Variants in IKBKB observed in about 807,000 individuals in gnomAD.
IKBKB encodes inhibitor of nuclear factor kappa-B kinase subunit beta.
A neutral mutation model predicts 113.6 loss-of-function variants in IKBKB; 42 were observed. That is an observed-to-expected ratio of 0.37 (90% CI 0.29 to 0.48). IKBKB has a LOEUF of 0.48. IKBKB is among the 20% of genes least tolerant of loss of function. The pLI is 0.99. For synonymous variants in IKBKB, 296 were observed against 361.3 expected (o/e 0.82, Z 2.05); for missense variants, 673 against 939.7 (o/e 0.72, Z 3.71).
At chr8:42,281,363 T>C (rs1028718734) in intron 2 of IKBKB, among the ~76,000 whole-genome samples, 6 of 151,922 alleles carry the variant, frequency 3.9e-5, no homozygotes, top group African/African-American at 1.2e-4. Context: ...CTGACATCCC[T>C]GGAGTGGATG....
chr8:42,322,457 G>A lies in IKBKB; in HGVS notation c.1949G>A (p.Arg650Gln). ...EKTVVRLQEKRQKELWNLLKI... is the reference protein window; with the variant it reads ...EKTVVRLQEKQQKELWNLLKI... ...ACTGTTGTCCGGCTGCAGGAGAAGC[G>A]GCAGAAGGAGCTCTGGAATCTCCTG... The change falls in exon 19 of 22, where the codon CGG becomes CAG. Residue 650 changes from arginine (R) to glutamine (Q), a missense_variant. Physicochemically the swap from Arg to Gln is conservative, Grantham distance 43 (BLOSUM62 1). This residue lies in a region of IKBKB where 506 missense variants were observed against 638.7 expected (regional missense o/e 0.79). Transcript: ENST00000520810. 1.2e-5 allele frequency: 20 copies of A among 1,614,022 alleles called. No individual in the cohort carries two copies. The highest frequency in any genetic ancestry group is 2.7e-5 in the African/African-American group (2 of 74,980).
chr8:42,271,702 A>G (rs1016550725), intron 1 of IKBKB: 22 of 519,046 alleles, frequency 4.2e-5, no homozygotes, highest in Non-Finnish European at 6.7e-5. Flanking sequence ...GGAACATTGT[A>G]AAGAAACACG....
intron 2 of IKBKB, among the ~76,000 whole-genome samples, chr8:42,274,232 G>A (rs9693198): frequency 0.021 from 3,215 of 152,184 alleles, 118 homozygotes; most frequent in African/African-American, 0.074. Flanking sequence ...GTTTCACCAT[G>A]TAGGCCATGC....
At chr8:42,329,722 G>A in intron 21 of IKBKB, 1 of 985,344 alleles carries the variant, frequency 1.0e-6, no homozygotes, top group Non-Finnish European at 1.2e-6. Flanking sequence ...GCTGGGCTGG[G>A]AGCAGGAACC....
At chr8:42,329,316 T>G in intron 21 of IKBKB, 102 bp downstream of exon 21, 8 of 1,399,000 alleles carry the variant, frequency 5.7e-6, no homozygotes, top group Non-Finnish European at 7.5e-6. Flanking sequence ...TCAACCTCAG[T>G]GTTTGTTTGT....
At chr8:42,300,043 A>G (rs1171218730) in intron 5 of IKBKB, among the ~76,000 whole-genome samples, 1 of 152,202 alleles carries the variant, frequency 6.6e-6, no homozygotes, top group Non-Finnish European at 1.5e-5. Context: ...CAGATAGTGG[A>G]CACTCAATAG....
At chr8:42,329,353 C>G in intron 21 of IKBKB, 139 bp downstream of exon 21, 1 of 1,277,936 alleles carries the variant, frequency 7.8e-7, no homozygotes, top group Non-Finnish European at 1.0e-6. Context: ...GACAGGGTCT[C>G]TCTCTCTCAC....
chr8:42,296,377 A>G (rs1374884265), intron 5 of IKBKB, among the ~76,000 whole-genome samples: 1 of 152,228 alleles, frequency 6.6e-6, no homozygotes, highest in Non-Finnish European at 1.5e-5. Context: ...CACGCCTATA[A>G]TCCCAGCACT....
rs1811936644 is a variant in IKBKB, at chr8:42,288,708, G to T, written c.180G>T (p.Leu60=). 1 of 1,610,716 alleles carries T rather than the reference G, an allele frequency of 6.2e-7. No individual in the cohort carries two copies. Residue 60 remains leucine, a synonymous_variant, in exon 3 of 22, where the codon CTG becomes CTT. Coordinates refer to ENST00000520810, the MANE Select transcript of IKBKB (RefSeq NM_001556.3). ...CCCGGAACCGAGAGCGGTGGTGCCTGGAGATCCAGATCATGAGAAGGTGAG... is the reference window on the plus strand; with the variant it reads ...CCCGGAACCGAGAGCGGTGGTGCCTTGAGATCCAGATCATGAGAAGGTGAG... The part of the protein sequence containing the change: ...LSPRNRERWC[L]EIQIMRRLTH...
chr8:42,272,319 G>T (rs762799388), intron 2 of IKBKB, 114 bp downstream of exon 2: 2 of 1,432,890 alleles, frequency 1.4e-6, no homozygotes, highest in Non-Finnish European at 9.7e-7. Context: ...GGTCATCTTG[G>T]GACAGTGAAT....
At chr8:42,286,932 G>A (rs1350047200) in intron 2 of IKBKB, among the ~76,000 whole-genome samples, 4 of 152,148 alleles carry the variant, frequency 2.6e-5, no homozygotes, top group African/African-American at 4.8e-5. Context: ...AGGGAGTTTC[G>A]TGCTGTAGGT....
At position 42,330,897 on chromosome 8, in the gene IKBKB, T is replaced by C. The variant is rs770126393; in HGVS notation, c.2206-17T>C. 13 of 1,614,202 alleles carry C rather than the reference T, an allele frequency of 8.1e-6. No individual in the cohort carries two copies. In the South Asian group the frequency reaches 9.9e-5, roughly 12 times the overall value. The stretch of plus-strand genomic sequence containing the variant: ...GTTGGTGGCTGTTGTTTTTTTAACA[T>C]GTCTGTTGACTTTCAGGCCCTAGAC... On this transcript the variant is annotated splice_polypyrimidine_tract_variant and intron_variant, in intron 21 of 21. Coordinates refer to ENST00000520810, the MANE Select transcript of IKBKB (RefSeq NM_001556.3).
intron 4 of IKBKB, among the ~76,000 whole-genome samples, chr8:42,292,511 A>T (rs1277280442): frequency 6.6e-6 from 1 of 152,220 alleles, no homozygotes; most frequent in Non-Finnish European, 1.5e-5. Context: ...CCCTCTAAAA[A>T]GTTCAAATCT....
At position 42,288,740 on chromosome 8, in the gene IKBKB, G is replaced by A. The variant is rs201140389; in HGVS notation, c.200+12G>A. 93 of 1,597,010 alleles carry A rather than the reference G, an allele frequency of 5.8e-5. No individual in the cohort carries two copies. Among genetic ancestry groups the A allele is most frequent in the Middle Eastern group, 5.1e-4 (3 of 5,892 alleles). ...CAGATCATGAGAAGGTGAGGGCCTC[G>A]CGCATAGGGACCCAAGGGAAAGCTG... On this transcript the variant is annotated intron_variant, in intron 3 of 21. Coordinates refer to ENST00000520810, the MANE Select transcript of IKBKB (RefSeq NM_001556.3).
chr8:42,325,732 A>T (rs1030772248), intron 19 of IKBKB: 2 of 1,316,918 alleles, frequency 1.5e-6, no homozygotes, highest in Admixed American at 7.0e-5. Flanking sequence ...TAATGTAGGC[A>T]CCCAGGTCTC....
At chr8:42,306,270 C>A (rs748183562) in intron 6 of IKBKB, 73 bp from the exon 7 acceptor site, 5 of 940,548 alleles carry the variant, frequency 5.3e-6, no homozygotes, top group African/African-American at 4.8e-5. Context: ...GCTCTAACAC[C>A]AGGCAGTCAG....
Position 42,293,432 on chromosome 8 carries a change from T to C in IKBKB, c.319-11T>C, listed in dbSNP as rs1813067359. ...CACCAGCTCTGATGCTGCTTTTCACTTTCTTGACAGTACCTGAACCAGTTT... is the reference window on the plus strand; with the variant it reads ...CACCAGCTCTGATGCTGCTTTTCACCTTCTTGACAGTACCTGAACCAGTTT... On this transcript the variant is annotated splice_polypyrimidine_tract_variant and intron_variant, in intron 4 of 21. Transcript: ENST00000520810. The C allele has an allele frequency of 6.2e-7, 1 of 1,614,070 alleles. No individual in the cohort carries two copies. Among genetic ancestry groups the C allele is most frequent in the Admixed American group, 1.7e-5 (1 of 60,010 alleles).
intron 19 of IKBKB, chr8:42,325,753 G>T: frequency 2.2e-6 from 3 of 1,360,018 alleles, no homozygotes; most frequent in South Asian, 1.7e-5. Flanking sequence ...CTTAAATTTA[G>T]AATCCTTTCC....
At chr8:42,306,510 T>C in intron 7 of IKBKB, 78 bp downstream of exon 7, 1 of 930,828 alleles carries the variant, frequency 1.1e-6, no homozygotes, top group Non-Finnish European at 1.8e-6. Context: ...CCTGCCTTGC[T>C]CCCAGCACCT....
Sources: gnomAD v4.1 joint callset for allele counts (sites outside exome capture counted in the v4.1 genomes callset) on GRCh38, gnomAD v4.1.1 for gene constraint, gnomAD v4.1.1 regional missense constraint, MANE v1.5 for transcripts, NCBI Gene and HGNC (gene_info 2026-07-23, HGNC 2026-07-21) for gene names.